Variants in FGD4 observed in about 807,000 individuals in gnomAD.
The protein encoded by FGD4 is FYVE, RhoGEF and PH domain-containing protein 4.
In FGD4, 42 loss-of-function variants were observed where a neutral mutation model predicts 102.0. The observed-to-expected ratio is 0.41, with a 90% confidence interval of 0.32 to 0.53. The LOEUF (loss-of-function observed/expected upper bound fraction) is 0.53. Ranked by LOEUF, FGD4 falls within the 20% of genes least tolerant of loss-of-function variation. FGD4 has a pLI of 0.21. For missense variants in FGD4, 902 were observed against 1,078.2 expected (o/e 0.84, Z 2.29); for synonymous variants, 380 against 375.7 (o/e 1.01, Z -0.13).
At chr12:32,604,851 A>G (rs1307801150) in intron 7 of FGD4, among the ~76,000 whole-genome samples, 1 of 151,998 alleles carries the variant, frequency 6.6e-6, no homozygotes, top group Non-Finnish European at 1.5e-5. Context: ...TTAAAGTGTA[A>G]ACAGATTTCA....
At chr12:32,614,755 C>T (rs549140085) in intron 10 of FGD4, among the ~76,000 whole-genome samples, 1 of 152,348 alleles carries the variant, frequency 6.6e-6, no homozygotes, top group South Asian at 2.1e-4. Flanking sequence ...GTAAAAACTA[C>T]TGCATTGCCA....
At chr12:32,441,716 A>C (rs1942441159) in intron 1 of FGD4, among the ~76,000 whole-genome samples, 3 of 152,020 alleles carry the variant, frequency 2.0e-5, no homozygotes. Flanking sequence ...GGCCTAGTTC[A>C]GCCCTAGGAC....
intron 1 of FGD4, among the ~76,000 whole-genome samples, chr12:32,412,567 A>G (rs570072032): frequency 6.6e-6 from 1 of 152,270 alleles, no homozygotes; most frequent in African/African-American, 2.4e-5. Context: ...GCTTGAACCC[A>G]GAAGTTCAGG....
intron 1 of FGD4, among the ~76,000 whole-genome samples, chr12:32,451,573 G>A (rs1942775319): frequency 6.6e-6 from 1 of 151,864 alleles, no homozygotes; most frequent in Non-Finnish European, 1.5e-5. Flanking sequence ...CCTTAGAAAG[G>A]TCTTTTTTTT....
intron 1 of FGD4, among the ~76,000 whole-genome samples, chr12:32,462,017 G>A (rs545300286): frequency 3.3e-5 from 5 of 152,202 alleles, no homozygotes; most frequent in African/African-American, 7.2e-5. Flanking sequence ...GAGCCACCGC[G>A]CCTGGCTTTT....
intron 7 of FGD4, among the ~76,000 whole-genome samples, chr12:32,605,162 C>T (rs1315712001): frequency 6.7e-6 from 1 of 148,364 alleles, no homozygotes; most frequent in Non-Finnish European, 1.5e-5. Context: ...TGGTCTCAAA[C>T]TCCTGGCCTC....
At chr12:32,508,603 CT>C (rs1939031489) in intron 1 of FGD4, among the ~76,000 whole-genome samples, 1 of 152,220 alleles carries the variant, frequency 6.6e-6, no homozygotes, top group Non-Finnish European at 1.5e-5. Context: ...CAACTCTCTT[CT>C]TGTTAAGTCC....
intron 1 of FGD4, among the ~76,000 whole-genome samples, chr12:32,404,241 C>T (rs1339178583): frequency 1.3e-5 from 2 of 151,126 alleles, no homozygotes; most frequent in Non-Finnish European, 2.9e-5. Context: ...ACTTGGTAAA[C>T]TTTCTATGTA....
At chr12:32,567,767 G>A (rs756052386) in intron 2 of FGD4, among the ~76,000 whole-genome samples, 3 of 148,694 alleles carry the variant, frequency 2.0e-5, no homozygotes, top group African/African-American at 7.5e-5. Flanking sequence ...GGCTCACTGC[G>A]GCCTCCCCTT....
intron 15 of FGD4, among the ~76,000 whole-genome samples, chr12:32,637,180 C>G (rs1446636518): frequency 6.6e-6 from 1 of 151,148 alleles, no homozygotes; most frequent in Non-Finnish European, 1.5e-5. Context: ...TGAGCCACCG[C>G]ACCCAGCCTT....
intron 14 of FGD4, 68 bp from the exon 15 acceptor site, chr12:32,633,481 A>G: frequency 6.7e-7 from 1 of 1,501,608 alleles, no homozygotes. Flanking sequence ...ATTATTACCT[A>G]TAACTGATTA....
intron 1 of FGD4, among the ~76,000 whole-genome samples, chr12:32,533,075 G>A (rs1036901608): frequency 6.6e-5 from 10 of 152,234 alleles, no homozygotes; most frequent in African/African-American, 2.4e-4. Flanking sequence ...GTGCAATTTA[G>A]CAAGTCCTTT....
At chr12:32,499,468 TC>T (rs1938027985) in intron 1 of FGD4, among the ~76,000 whole-genome samples, 1 of 152,226 alleles carries the variant, frequency 6.6e-6, no homozygotes, top group African/African-American at 2.4e-5. Context: ...AGTCATTTTT[TC>T]CCATGGAGTC....
intron 1 of FGD4, among the ~76,000 whole-genome samples, chr12:32,540,970 C>A (rs183306598): frequency 8.5e-4 from 130 of 152,196 alleles, no homozygotes; most frequent in African/African-American, 3.0e-3. Context: ...TTCGTTATAT[C>A]ATTGAATGAA....
At position 32,515,205 on chromosome 12, in the gene FGD4, A is replaced by G. The variant is rs1423500951; in HGVS notation, c.167-48932A>G. Among the ~76,000 whole-genome samples the G allele has an allele frequency of 6.6e-5, 10 of 152,182 alleles. No homozygotes were observed. In the South Asian group the frequency reaches 1.7e-3, roughly 25 times the overall value. On this transcript the variant is annotated intron_variant, in intron 1 of 16. Coordinates refer to ENST00000534526, the MANE Select transcript of FGD4 (RefSeq NM_001370298.3). The stretch of plus-strand genomic sequence containing the variant: ...ACCATGGGATTAGAACAGGGACTAT[A>G]CCACCTTGCTCCAGCTCCACTGTCC...
intron 1 of FGD4, among the ~76,000 whole-genome samples, chr12:32,408,602 T>G (rs1157468781): frequency 6.6e-6 from 1 of 152,196 alleles, no homozygotes; most frequent in African/African-American, 2.4e-5. Flanking sequence ...TAGAGCTGCC[T>G]CCCAGTGACT....
At chr12:32,603,892 C>G (rs1948601223) in intron 7 of FGD4, among the ~76,000 whole-genome samples, 1 of 151,840 alleles carries the variant, frequency 6.6e-6, no homozygotes, top group South Asian at 2.1e-4. Flanking sequence ...TTTATAGAAA[C>G]AAGGTCTGGC....
At position 32,449,923 on chromosome 12, in the gene FGD4, T is replaced by A. The variant is rs549527587; in HGVS notation, c.166+49964T>A. On this transcript the variant is annotated intron_variant, in intron 1 of 16. Transcript: ENST00000534526. ...CCAGCTAATTTATTTTTATTTATTT[T>A]TTTTTATTTTATTTATTTTATTTTT... is the stretch of plus-strand genomic sequence containing the variant. Among the ~76,000 whole-genome samples, 122 of 151,874 alleles carry A rather than the reference T, an allele frequency of 8.0e-4. 1 individual carries two copies. The highest frequency in any genetic ancestry group is 1.8e-3 in the Admixed American group (28 of 15,254).
chr12:32,431,306 T>C (rs1942035290), intron 1 of FGD4, among the ~76,000 whole-genome samples: 1 of 152,198 alleles, frequency 6.6e-6, no homozygotes, highest in African/African-American at 2.4e-5. Flanking sequence ...CGTGTATCAC[T>C]GATACATGCA....
Sources: allele counts gnomAD v4.1 joint callset (sites outside exome capture counted in the v4.1 genomes callset), GRCh38; gene constraint gnomAD v4.1.1; transcripts MANE v1.5; gene names NCBI Gene and HGNC (gene_info 2026-07-23, HGNC 2026-07-21).